WWOX: variants seen among roughly 807,000 people sequenced by gnomAD.
WWOX encodes WW domain containing oxidoreductase.
A neutral mutation model predicts 46.2 loss-of-function variants in WWOX; 69 were observed. The observed-to-expected ratio is 1.49, with a 90% confidence interval of 1.23 to 1.82. The LOEUF is 1.82. Ranked by LOEUF, WWOX falls within the 40% of genes most tolerant of loss-of-function variation. The probability of loss-of-function intolerance (pLI) is 0.00; values close to 1 mark genes in which losing one functional copy is unlikely to be tolerated. For missense variants in WWOX, 919 were observed against 542.6 expected (o/e 1.69, Z -6.89); for synonymous variants, 359 against 202.6 (o/e 1.77, Z -6.56).
intron 8 of WWOX, among the ~76,000 whole-genome samples, chr16:78,745,019 A>G (rs1333184627): frequency 6.6e-6 from 1 of 152,040 alleles, no homozygotes; most frequent in Non-Finnish European, 1.5e-5. Context: ...AGCACATACC[A>G]TTTATTCAGT....
chr16:78,572,306 C>T (rs968343419), intron 8 of WWOX, among the ~76,000 whole-genome samples: 4 of 152,112 alleles, frequency 2.6e-5, no homozygotes, highest in Non-Finnish European at 4.4e-5. Flanking sequence ...ATTAAAACAG[C>T]GTTTACAGCT....
At chr16:78,725,307 A>G (rs1006345259) in intron 8 of WWOX, among the ~76,000 whole-genome samples, 1 of 108,766 alleles carries the variant, frequency 9.2e-6, no homozygotes, top group East Asian at 2.7e-4. Context: ...AGTCTCAGGT[A>G]TGTCTTTTTT....
chr16:79,198,634 G>A (rs896025940), intron 8 of WWOX, among the ~76,000 whole-genome samples: 39 of 152,338 alleles, frequency 2.6e-4, no homozygotes, highest in Middle Eastern at 3.4e-3. Context: ...CTTAGTAGCA[G>A]TGGGGTCAAG....
intron 8 of WWOX, among the ~76,000 whole-genome samples, chr16:78,748,393 G>C (rs1332245571): frequency 6.6e-6 from 1 of 152,210 alleles, no homozygotes; most frequent in Non-Finnish European, 1.5e-5. Flanking sequence ...TCTATCTGCA[G>C]TATTTACTGG....
chr16:79,045,141 T>A (rs1196804247), intron 8 of WWOX, among the ~76,000 whole-genome samples: 1 of 152,240 alleles, frequency 6.6e-6, no homozygotes, highest in Non-Finnish European at 1.5e-5. Flanking sequence ...TCGTAAATTC[T>A]ATCGCATTAA....
intron 8 of WWOX, among the ~76,000 whole-genome samples, chr16:78,987,106 A>G (rs767363083): frequency 5.9e-5 from 9 of 152,188 alleles, no homozygotes; most frequent in Admixed American, 2.6e-4. Flanking sequence ...CTAACTTGCC[A>G]CTTTGATAGC....
chr16:78,683,654 G>C (rs1269458616), intron 8 of WWOX, among the ~76,000 whole-genome samples: 1 of 152,024 alleles, frequency 6.6e-6, no homozygotes, highest in Non-Finnish European at 1.5e-5. Flanking sequence ...CTCCTGCCTC[G>C]GCTTCCCAAA....
chr16:78,407,125 C>G (rs1032618986), intron 6 of WWOX, among the ~76,000 whole-genome samples: 6 of 152,154 alleles, frequency 3.9e-5, no homozygotes, highest in African/African-American at 1.4e-4. Context: ...GAAACCAGCT[C>G]TAGCTATTTA....
chr16:79,181,196 C>T (rs192812289), intron 8 of WWOX, among the ~76,000 whole-genome samples: 222 of 152,238 alleles, frequency 1.5e-3, no homozygotes, highest in Middle Eastern at 6.8e-3. Flanking sequence ...GACTTAATAG[C>T]GTAATATTTT....
intron 8 of WWOX, among the ~76,000 whole-genome samples, chr16:79,045,600 A>T (rs1199696553): frequency 6.6e-6 from 1 of 152,104 alleles, no homozygotes; most frequent in Non-Finnish European, 1.5e-5. Context: ...TCTGATGCAC[A>T]TCAGCTATCA....
intron 5 of WWOX, among the ~76,000 whole-genome samples, chr16:78,312,764 C>T (rs1193799705): frequency 6.6e-6 from 1 of 152,176 alleles, no homozygotes; most frequent in Non-Finnish European, 1.5e-5. Context: ...GCTTTATGGA[C>T]AATGTGCTTA....
chr16:78,192,256 A>G (rs2035905705), intron 5 of WWOX, among the ~76,000 whole-genome samples: 2 of 152,180 alleles, frequency 1.3e-5, no homozygotes, highest in African/African-American at 2.4e-5. Flanking sequence ...GCACTTTGGG[A>G]TGCTGACGCG....
At chr16:78,750,022 A>C (rs1047589465) in intron 8 of WWOX, among the ~76,000 whole-genome samples, 10 of 152,344 alleles carry the variant, frequency 6.6e-5, no homozygotes, top group Non-Finnish European at 8.8e-5. Context: ...GTTCAGTAGT[A>C]GATAGACTCT....
chr16:78,887,221 G>A (rs1471362093), intron 8 of WWOX, among the ~76,000 whole-genome samples: 1 of 151,390 alleles, frequency 6.6e-6, no homozygotes, highest in Non-Finnish European at 1.5e-5. Flanking sequence ...GAGTCTCAAT[G>A]TCAACTTAAT....
intron 8 of WWOX, among the ~76,000 whole-genome samples, chr16:78,606,584 C>T (rs2045762868): frequency 6.6e-6 from 1 of 152,048 alleles, no homozygotes; most frequent in Admixed American, 6.6e-5. Flanking sequence ...AAGAAATATG[C>T]CACATTCCGC....
intron 5 of WWOX, among the ~76,000 whole-genome samples, chr16:78,207,009 G>T (rs62034009): frequency 0.13 from 20,060 of 152,156 alleles, 1,655 homozygotes; most frequent in Non-Finnish European, 0.18. Context: ...CCTCATTTTG[G>T]AGATGAAGAG....
intron 8 of WWOX, among the ~76,000 whole-genome samples, chr16:78,743,012 C>G (rs932752085): frequency 2.0e-5 from 3 of 147,350 alleles, no homozygotes; most frequent in African/African-American, 8.1e-5. Context: ...CACATACAGT[C>G]CCAACCCTTA....
At chr16:78,761,020 C>G (rs891447970) in intron 8 of WWOX, among the ~76,000 whole-genome samples, 3 of 152,120 alleles carry the variant, frequency 2.0e-5, no homozygotes, top group African/African-American at 7.2e-5. Context: ...AAGACCCTCC[C>G]CCATGATTCA....
Position 78,792,712 on chromosome 16 carries a change from A to G in WWOX, c.1056+359960A>G, listed in dbSNP as rs115502416. Among the ~76,000 whole-genome samples the G allele has an allele frequency of 7.4e-3, 1,125 of 152,308 alleles. 17 individuals are homozygous for G. The highest frequency in any genetic ancestry group is 0.026 in the African/African-American group (1,067 of 41,560). ...GCTTACTATACAAGTCTATAGAGGCATCTCACCTGTAGAAATCTTAAGATG... is the reference window on the plus strand; with the variant it reads ...GCTTACTATACAAGTCTATAGAGGCGTCTCACCTGTAGAAATCTTAAGATG... On this transcript the variant is annotated intron_variant, in intron 8 of 8. Coordinates refer to ENST00000566780, the MANE Select transcript of WWOX (RefSeq NM_016373.4).
Sources: allele counts gnomAD v4.1 joint callset (sites outside exome capture counted in the v4.1 genomes callset), GRCh38; gene constraint gnomAD v4.1.1; transcripts MANE v1.5; gene names NCBI Gene and HGNC (gene_info 2026-07-23, HGNC 2026-07-21).